NAV3: variants seen among roughly 807,000 people sequenced by gnomAD.
NAV3 encodes the protein pore membrane and/or filament interacting like protein 1.
In NAV3, 87 loss-of-function variants were observed where a neutral mutation model predicts 244.7. The ratio of observed to expected loss-of-function variants is 0.36; its 90% confidence interval spans 0.30 to 0.42. NAV3 has a LOEUF of 0.42. Ranked by LOEUF, NAV3 falls within the 20% of genes least tolerant of loss-of-function variation. The probability of loss-of-function intolerance (pLI) is 1.00; values close to 1 mark genes in which losing one functional copy is unlikely to be tolerated. For synonymous variants in NAV3, 1,126 were observed against 1,042.2 expected, an observed-to-expected ratio of 1.08 and a Z score of -1.55; for missense variants, 2,663 against 2,893.3, an observed-to-expected ratio of 0.92 and a Z score of 1.83.
chr12:78,067,419 T>C (rs1189130848), intron 12 of NAV3, among the ~76,000 whole-genome samples: 1 of 152,110 alleles, frequency 6.6e-6, no homozygotes, highest in African/African-American at 2.4e-5. Context: ...AAAACTGTTA[T>C]TGATGCCCTC....
intron 1 of NAV3, among the ~76,000 whole-genome samples, chr12:77,891,153 T>C (rs1883888989): frequency 6.6e-6 from 1 of 151,738 alleles, no homozygotes; most frequent in South Asian, 2.1e-4. Context: ...AACAAAATAA[T>C]TTAAATTAAA....
At chr12:78,117,189 A>G (rs1229664692) in intron 13 of NAV3, among the ~76,000 whole-genome samples, 1 of 132,486 alleles carries the variant, frequency 7.5e-6, no homozygotes, top group Non-Finnish European at 1.6e-5. Context: ...ATATATATAT[A>G]TATATATGAT....
chr12:78,147,387 A>G (rs190119874), intron 21 of NAV3, among the ~76,000 whole-genome samples: 1 of 152,152 alleles, frequency 6.6e-6, no homozygotes, highest in Non-Finnish European at 1.5e-5. Flanking sequence ...ATGCTGTATC[A>G]TGAGTTATGG....
Position 78,172,380 on chromosome 12 carries a change from G to A in NAV3, c.4982-2926G>A, listed in dbSNP as rs1196942963. 1.2e-4 allele frequency among the ~76,000 whole-genome samples: 18 copies of A among 151,510 alleles called. No individual in the cohort carries two copies. The Admixed American group carries it at 1.2e-3, about 10-fold the overall frequency. On this transcript the variant is annotated intron_variant, in intron 24 of 39. Coordinates refer to ENST00000397909, the MANE Select transcript of NAV3 (RefSeq NM_001024383.2). Reference sequence around the variant, plus strand: ...ATACCACATGCCATATGCTTGTATAGCAATACAAGGTTTGGAATTTATAAT... The same window carrying A: ...ATACCACATGCCATATGCTTGTATAACAATACAAGGTTTGGAATTTATAAT...
chr12:78,157,394 GA>G (rs36115195), intron 22 of NAV3, among the ~76,000 whole-genome samples: 3,005 of 107,136 alleles, frequency 0.028, 73 homozygotes, highest in African/African-American at 0.081. Context: ...TACAGAAAAT[GA>G]AAAAAAAAAA....
Position 78,006,990 on chromosome 12 carries a change from CA to C in NAV3, c.1455del (p.Glu486LysfsTer6). On this transcript the variant is annotated frameshift_variant, in exon 8 of 40. Coordinates refer to ENST00000397909, the MANE Select transcript of NAV3 (RefSeq NM_001024383.2). LOFTEE classifies it high-confidence loss of function. Reference protein sequence around the residue: ...KNKVCTEKPVKEEKDQVTEMA... With the variant: ...KNKVCTEKPVXEEKDQVTEMA... The stretch of plus-strand genomic sequence containing the variant: ...ATAAAGTTTGCACTGAAAAACCAGT[CA>C]AAGAAGAGAAGGATCAGGTGACAGA... The C allele has an allele frequency of 6.2e-7, 1 of 1,614,024 alleles. No individual in the cohort carries two copies. Among genetic ancestry groups the C allele is most frequent in the Non-Finnish European group, 8.5e-7 (1 of 1,180,000 alleles).
At chr12:77,968,090 G>A (rs1358883982) in intron 4 of NAV3, among the ~76,000 whole-genome samples, 1 of 152,270 alleles carries the variant, frequency 6.6e-6, no homozygotes, top group East Asian at 1.9e-4. Flanking sequence ...TATAAATGCA[G>A]GACAACCAAC....
intron 2 of NAV3, among the ~76,000 whole-genome samples, chr12:77,615,392 A>C (rs893963573): frequency 1.3e-5 from 2 of 152,128 alleles, no homozygotes; most frequent in African/African-American, 4.8e-5. Flanking sequence ...ATCAGTGTTT[A>C]CAGTGTCTAT....
chr12:77,803,091 T>A (rs956815183), intron 2 of NAV3, among the ~76,000 whole-genome samples: 1 of 152,210 alleles, frequency 6.6e-6, no homozygotes, highest in East Asian at 1.9e-4. Context: ...GCTGTATTTT[T>A]AACATTTTTT....
At chr12:77,712,845 G>A (rs1251793364) in intron 2 of NAV3, among the ~76,000 whole-genome samples, 1 of 152,216 alleles carries the variant, frequency 6.6e-6, no homozygotes, top group African/African-American at 2.4e-5. Flanking sequence ...AGGCGAGCAA[G>A]TTAGTGGAGA....
At chr12:78,036,867 C>T in intron 9 of NAV3, 1 of 688,908 alleles carries the variant, frequency 1.5e-6, no homozygotes, top group South Asian at 1.5e-5. Context: ...AAGAATCATG[C>T]AGCGGCCTGC....
intron 2 of NAV3, among the ~76,000 whole-genome samples, chr12:77,676,402 G>A (rs1396915375): frequency 6.6e-6 from 1 of 152,116 alleles, no homozygotes; most frequent in Admixed American, 6.6e-5. Context: ...ATGATGGACT[G>A]TCCTTAGCAC....
chr12:77,855,597 T>C (rs1878278875), intron 1 of NAV3, among the ~76,000 whole-genome samples: 2 of 152,210 alleles, frequency 1.3e-5, no homozygotes, highest in East Asian at 3.8e-4. Flanking sequence ...GGCCTTGGAA[T>C]TTACTTTGAG....
intron 2 of NAV3, among the ~76,000 whole-genome samples, chr12:77,719,801 G>T (rs1335731913): frequency 1.3e-5 from 2 of 151,956 alleles, no homozygotes; most frequent in Non-Finnish European, 2.9e-5. Flanking sequence ...GGGTAATACT[G>T]GCTTCCTAAA....
At chr12:77,638,834 C>T (rs986110871) in intron 2 of NAV3, among the ~76,000 whole-genome samples, 17 of 152,246 alleles carry the variant, frequency 1.1e-4, no homozygotes, top group African/African-American at 3.9e-4. Context: ...CATGAAGTCA[C>T]TATTAGAATG....
chr12:77,884,146 A>G (rs914135140), intron 1 of NAV3, among the ~76,000 whole-genome samples: 2 of 152,136 alleles, frequency 1.3e-5, no homozygotes, highest in Non-Finnish European at 2.9e-5. Context: ...AGCAGTGTCA[A>G]TTCTTGAAAA....
intron 1 of NAV3, among the ~76,000 whole-genome samples, chr12:77,913,854 C>T (rs946119680): frequency 6.6e-6 from 1 of 152,078 alleles, no homozygotes; most frequent in African/African-American, 2.4e-5. Context: ...TGTTTCCCTT[C>T]TTTCTGATGA....
chr12:77,931,908 G>C (rs1242811749), intron 1 of NAV3, among the ~76,000 whole-genome samples: 1 of 39,840 alleles, frequency 2.5e-5, no homozygotes, highest in African/African-American at 1.7e-4. Flanking sequence ...TTGTGCGTGT[G>C]TGTTTGTGTG....
chr12:77,704,428 A>G (rs1390852796), intron 2 of NAV3, among the ~76,000 whole-genome samples: 1 of 152,176 alleles, frequency 6.6e-6, no homozygotes, highest in Non-Finnish European at 1.5e-5. Flanking sequence ...CCCAAATGCT[A>G]CTCAGTCAAG....
Sources: gnomAD v4.1 joint callset for allele counts (sites outside exome capture counted in the v4.1 genomes callset) on GRCh38, gnomAD v4.1.1 for gene constraint, MANE v1.5 for transcripts, NCBI Gene and HGNC (gene_info 2026-07-23, HGNC 2026-07-21) for gene names.